Variants in DUOX1 observed in about 807,000 individuals in gnomAD.
The protein encoded by DUOX1 is NADPH thyroid oxidase 1.
Under a neutral mutation model 181.8 loss-of-function variants are expected in DUOX1, and 134 were observed. The ratio of observed to expected loss-of-function variants is 0.74; its 90% confidence interval spans 0.64 to 0.85. The LOEUF (loss-of-function observed/expected upper bound fraction) is 0.85. DUOX1 is among the 40% of genes least tolerant of loss of function. The probability of loss-of-function intolerance (pLI) is 0.00; values close to 1 mark genes in which losing one functional copy is unlikely to be tolerated. For synonymous variants in DUOX1, 798 were observed against 832.5 expected (o/e 0.96, Z 0.71); for missense variants, 1,814 against 2,064.4 (o/e 0.88, Z 2.35).
rs1399122641 is a variant in DUOX1, at chr15:45,152,510, C to T, written c.3418C>T (p.Leu1140Phe). ...HRLIASTAIV[L>F]TVLHSVGHVV... Reference sequence around the variant, plus strand: ...CCTCATTGCCTCCACCGCCATCGTCCTCACAGGCAGGGCCTGGGTGTCCCT... The same window carrying T: ...CCTCATTGCCTCCACCGCCATCGTCTTCACAGGCAGGGCCTGGGTGTCCCT... Residue 1140 changes from leucine to phenylalanine, a missense_variant, in exon 25 of 34, where the codon CTC becomes TTC. Around this residue, in one of 5 missense-constraint regions of DUOX1, gnomAD observed 1,064 missense variants for 1,152.9 expected, o/e 0.92. Coordinates refer to ENST00000389037, the MANE Select transcript of DUOX1 (RefSeq NM_175940.3). The T allele has an allele frequency of 1.2e-6, 2 of 1,613,970 alleles. No individual in the cohort carries two copies. Among genetic ancestry groups the T allele is most frequent in the South Asian group, 2.2e-5 (2 of 91,078 alleles).
rs544328455 is a variant in DUOX1, at chr15:45,141,913, G to A, written c.1685-62G>A. 375 of 1,554,980 alleles carry A rather than the reference G, an allele frequency of 2.4e-4. No individual in the cohort carries two copies. The African/African-American group carries it at 3.6e-3, about 15-fold the overall frequency. ...CCTTTCTGCCACCCTAACCTCCTCC[G>A]TGATCCTGTGCCAGCACCTGTGGCC... On this transcript the variant is annotated intron_variant, in intron 14 of 33. Transcript: ENST00000389037.
chr15:45,143,154 C>T (rs777033196), intron 15 of DUOX1, 36 bp from the exon 16 acceptor site: 6 of 1,556,838 alleles, frequency 3.9e-6, no homozygotes, highest in African/African-American at 1.4e-5. Context: ...CCCTAGACCC[C>T]CACGTCTCCC....
intron 2 of DUOX1, among the ~76,000 whole-genome samples, chr15:45,133,050 G>A (rs1016586256): frequency 1.3e-5 from 2 of 152,122 alleles, no homozygotes; most frequent in Non-Finnish European, 2.9e-5. Context: ...CTAGTTTGGG[G>A]GAAAGAATCA....
Position 45,161,424 on chromosome 15 carries a change from A to G in DUOX1, c.3857-314A>G, listed in dbSNP as rs1209716876. 7.4e-4 allele frequency among the ~76,000 whole-genome samples: 99 copies of G among 134,412 alleles called. 1 individual carries two copies. In the South Asian group the frequency reaches 0.023, roughly 31 times the overall value. The allele number at this position is 134,412 out of a possible 152,430, so 88.2% of individuals were successfully genotyped here. A position where few individuals can be genotyped will look rare whatever the true frequency, so the allele number is the denominator to read the frequency against. ...CAGAGTGAGACTGTGTCAAAAAAAA[A>G]AAAAAAAAAAAAAAAAGGAAGGAGG... On this transcript the variant is annotated intron_variant, in intron 29 of 33. Coordinates refer to ENST00000389037, the MANE Select transcript of DUOX1 (RefSeq NM_175940.3).
chr15:45,147,421 G>T lies in DUOX1; in HGVS notation c.2323-12G>T. 1 of 1,612,270 alleles carries T rather than the reference G, an allele frequency of 6.2e-7. No homozygotes were observed. Among genetic ancestry groups the T allele is most frequent in the South Asian group, 1.1e-5 (1 of 90,650 alleles). ...GTCTCCTCTCCCTCCCTCTGCTTCT[G>T]CCCAAGTGCAGGTGCTGGACATCAA... is the stretch of plus-strand genomic sequence containing the variant. On this transcript the variant is annotated splice_polypyrimidine_tract_variant and intron_variant, in intron 18 of 33. Transcript: ENST00000389037.
Position 45,164,899 on chromosome 15 carries a change from T to C in DUOX1, c.4654T>C (p.Ter1552GlnextTer12). The C allele has an allele frequency of 6.2e-7, 1 of 1,614,118 alleles. No homozygotes were observed. Among genetic ancestry groups the C allele is most frequent in the Non-Finnish European group, 8.5e-7 (1 of 1,179,972 alleles). ...THFSHHYENF* is the reference protein window; with the variant it reads ...THFSHHYENFQ ...CTTCTCCCACCATTATGAGAACTTC[T>C]AGGCCCCTGCCCGGGGGTTCTGCCC... is the stretch of plus-strand genomic sequence containing the variant. The change falls in exon 34 of 34, where the codon TAG becomes CAG. Residue 1552 changes from the stop codon to glutamine, a stop_lost. Transcript: ENST00000389037.
At chr15:45,161,462 G>A (rs1239555345) in intron 29 of DUOX1, among the ~76,000 whole-genome samples, 9 of 141,964 alleles carry the variant, frequency 6.3e-5, no homozygotes, top group African/African-American at 2.3e-4. Context: ...GGGAGGGAGG[G>A]AGGAAGGAAG....
rs767770431 is a variant in DUOX1, at chr15:45,134,226, C to T, written c.224C>T (p.Pro75Leu). The T allele has an allele frequency of 1.3e-6, 2 of 1,575,654 alleles. No homozygotes were observed. The highest frequency in any genetic ancestry group is 1.7e-6 in the Non-Finnish European group (2 of 1,163,682). Residue 75 changes from proline to leucine, a missense_variant, in exon 4 of 34, where the codon CCC becomes CTC. Transcript: ENST00000389037. Reference protein sequence around the residue: ...QPLGEPHLPNPRDLSNTISRG... With the variant: ...QPLGEPHLPNLRDLSNTISRG... The stretch of plus-strand genomic sequence containing the variant: ...TTGGGAGAACCCCACCTGCCCAACC[C>T]CCGAGACCTTAGCAACACCATCTCA...
intron 28 of DUOX1, among the ~76,000 whole-genome samples, chr15:45,156,210 C>CCAA (rs1896965837): frequency 6.6e-6 from 1 of 152,146 alleles, no homozygotes; most frequent in Non-Finnish European, 1.5e-5. Context: ...CCACTTCTGC[C>CCAA]CAGCTAGTCT....
chr15:45,150,583 C>T, intron 21 of DUOX1, 49 bp from the exon 22 acceptor site: 1 of 1,580,346 alleles, frequency 6.3e-7, no homozygotes, highest in Non-Finnish European at 8.7e-7. Context: ...GCCAGGTCTT[C>T]CTGGGCTCTG....
intron 25 of DUOX1, 91 bp from the exon 26 acceptor site, chr15:45,153,289 C>A (rs1896864897): frequency 2.2e-6 from 2 of 909,684 alleles, no homozygotes; most frequent in Non-Finnish European, 3.7e-6. Flanking sequence ...CTGGGACCCC[C>A]ACTCTGGCCA....
At chr15:45,163,433 A>C in intron 31 of DUOX1, 99 bp from the exon 32 acceptor site, 1 of 1,527,182 alleles carries the variant, frequency 6.5e-7, no homozygotes, top group Non-Finnish European at 8.9e-7. Flanking sequence ...GAAGGGCACA[A>C]GCTAGCTGTG....
intron 9 of DUOX1, among the ~76,000 whole-genome samples, chr15:45,137,253 G>A (rs1347231976): frequency 2.0e-5 from 3 of 149,098 alleles, no homozygotes; most frequent in East Asian, 1.9e-4. Context: ...CCAGCTACTC[G>A]GGAGGCTGAG....
Position 45,158,700 on chromosome 15 carries a change from C to CA in DUOX1, c.3703-2108dup, listed in dbSNP as rs58522871. Among the ~76,000 whole-genome samples, 108 of 47,044 alleles carry CA rather than the reference C, an allele frequency of 2.3e-3. 18 individuals are homozygous for CA. The highest frequency in any genetic ancestry group is 8.6e-3 in the African/African-American group (86 of 9,962). The allele number at this position is 47,044 out of a possible 152,430, so 30.9% of individuals were successfully genotyped here. ...CTGGGTGACAGCGAGACTTCCATCT[C>CA]AAAAAAAAAAAAAAAAAAAAAAAAA... is the stretch of plus-strand genomic sequence containing the variant. On this transcript the variant is annotated intron_variant, in intron 28 of 33. Transcript: ENST00000389037.
intron 15 of DUOX1, 32 bp downstream of exon 15, chr15:45,142,144 G>A: frequency 6.2e-7 from 1 of 1,603,612 alleles, no homozygotes. Flanking sequence ...GGTGGGGTGA[G>A]AGATGCAAGC....
In DUOX1 at chr15:45,149,198, G is replaced by A. The variant is rs544210979; in HGVS notation, c.2818+751G>A. ...AGCCCCTCCCAGAATTATGAGAAGG[G>A]GTAGGCTGAGCAGCCTCCACAGGGA... On this transcript the variant is annotated intron_variant, in intron 21 of 33. Coordinates refer to ENST00000389037, the MANE Select transcript of DUOX1 (RefSeq NM_175940.3). Among the ~76,000 whole-genome samples the A allele has an allele frequency of 7.3e-4, 111 of 152,252 alleles. 2 individuals are homozygous for A. Among genetic ancestry groups the A allele is most frequent in the African/African-American group, 2.6e-3 (110 of 41,544 alleles).
chr15:45,144,756 C>T, intron 17 of DUOX1, 139 bp from the exon 18 acceptor site: 2 of 897,058 alleles, frequency 2.2e-6, no homozygotes, highest in Non-Finnish European at 3.4e-6. Flanking sequence ...CTACTGAGCC[C>T]CTTTCCTCTT....
chr15:45,161,052 G>A (rs982124745), intron 29 of DUOX1, 62 bp downstream of exon 29: 15 of 1,607,022 alleles, frequency 9.3e-6, no homozygotes, highest in Middle Eastern at 1.9e-4. Flanking sequence ...CAGAGGCAGA[G>A]TCTAGACCGC....
Position 45,139,466 on chromosome 15 carries a change from A to G in DUOX1, c.1256A>G (p.His419Arg), listed in dbSNP as rs777625880. 1.6e-5 allele frequency: 26 copies of G among 1,613,034 alleles called. No homozygotes were observed. The highest frequency in any genetic ancestry group is 4.0e-5 in the African/African-American group (3 of 74,840). Residue 419 changes from histidine to arginine, a missense_variant, in exon 12 of 34, where the codon CAC becomes CGC. His to Arg is a conservative substitution (Grantham distance 29). This residue lies in a region of DUOX1 where 1,064 missense variants were observed against 1,152.9 expected (regional missense o/e 0.92). Coordinates refer to ENST00000389037, the MANE Select transcript of DUOX1 (RefSeq NM_175940.3). Reference sequence around the variant, plus strand: ...CCACTGAAGTTTTCCCGCACAGACCACCTGGCCAGCTGCCTGCAGCGGGGC... The same window carrying G: ...CCACTGAAGTTTTCCCGCACAGACCGCCTGGCCAGCTGCCTGCAGCGGGGC... Reference protein sequence around the residue: ...PGPLKFSRTDHLASCLQRGRD... With the variant: ...PGPLKFSRTDRLASCLQRGRD...
Sources: gnomAD v4.1 joint callset for allele counts (sites outside exome capture counted in the v4.1 genomes callset) on GRCh38, gnomAD v4.1.1 for gene constraint, gnomAD v4.1.1 regional missense constraint, MANE v1.5 for transcripts, NCBI Gene and HGNC (gene_info 2026-07-23, HGNC 2026-07-21) for gene names.